UGT3A1: variants seen among roughly 807,000 people sequenced by gnomAD.
UGT3A1 encodes the protein UDP-glycosyltransferase 3A1.
In UGT3A1, 40 loss-of-function variants were observed where a neutral mutation model predicts 37.6. That is an observed-to-expected ratio of 1.06 (90% CI 0.83 to 1.38). The LOEUF (loss-of-function observed/expected upper bound fraction) is 1.38. Among genes scored for constraint, UGT3A1 ranks in the 40% most tolerant of loss-of-function variants. UGT3A1 has a pLI of 0.00. For synonymous variants in UGT3A1, 256 were observed against 232.3 expected, an observed-to-expected ratio of 1.10 and a Z score of -0.93; for missense variants, 642 against 634.2, an observed-to-expected ratio of 1.01 and a Z score of -0.13.
intron 2 of UGT3A1, among the ~76,000 whole-genome samples, chr5:35,971,561 C>A (rs138077163): frequency 0.011 from 1,718 of 151,878 alleles, 37 homozygotes; most frequent in African/African-American, 0.039. Flanking sequence ...GAAAATCTAC[C>A]AAAATTCACT....
chr5:35,996,246 C>T (rs917659075), upstream of UGT3A1, among the ~76,000 whole-genome samples: 3 of 152,076 alleles, frequency 2.0e-5, no homozygotes, highest in Non-Finnish European at 4.4e-5. Context: ...CTCAGGAAGA[C>T]TAGGGATGCT....
At chr5:35,974,668 T>C (rs1453848196) in intron 2 of UGT3A1, among the ~76,000 whole-genome samples, 1 of 152,222 alleles carries the variant, frequency 6.6e-6, no homozygotes, top group East Asian at 1.9e-4. Flanking sequence ...GTTTCATTGC[T>C]TGAGCAAATT....
chr5:35,954,334 C>A lies in UGT3A1; in HGVS notation c.1440G>T (p.Trp480Cys), dbSNP rs772502603. 1 of 1,614,180 alleles carries A rather than the reference C, an allele frequency of 6.2e-7. No individual in the cohort carries two copies. The highest frequency in any genetic ancestry group is 8.5e-7 in the Non-Finnish European group (1 of 1,180,036). Residue 480 changes from tryptophan to cysteine, a missense_variant, in exon 7 of 7, where the codon TGG (tryptophan) becomes TGT (cysteine). Transcript: ENST00000274278. Reference sequence around the variant, plus strand: ...AGACATCAATGAGGTACTGCTCATGCCAAGGCTGCTGGAAGGCATAGGGCT... The same window carrying A: ...AGACATCAATGAGGTACTGCTCATGACAAGGCTGCTGGAAGGCATAGGGCT... ...HLKPYAFQQP[W>C]HEQYLIDVFV...
chr5:35,989,487 G>C (rs1410512313), intron 1 of UGT3A1, among the ~76,000 whole-genome samples: 1 of 152,218 alleles, frequency 6.6e-6, no homozygotes, highest in Non-Finnish European at 1.5e-5. Context: ...GTGCGCAGCT[G>C]TCTGAATGAC....
chr5:35,969,810 G>T (rs946854400), intron 2 of UGT3A1, among the ~76,000 whole-genome samples: 4 of 152,122 alleles, frequency 2.6e-5, no homozygotes, highest in African/African-American at 9.7e-5. Context: ...TATTACCTCT[G>T]TACTCTTAAG....
chr5:35,959,283 CA>C (rs1739484521), intron 4 of UGT3A1, among the ~76,000 whole-genome samples: 1 of 152,096 alleles, frequency 6.6e-6, no homozygotes, highest in African/African-American at 2.4e-5. Context: ...AACAAAAGAT[CA>C]CAAGGCATAC....
chr5:35,990,353 T>G (rs1580966288), intron 1 of UGT3A1, among the ~76,000 whole-genome samples: 2 of 152,088 alleles, frequency 1.3e-5, no homozygotes, highest in East Asian at 3.9e-4. Context: ...AAAGGAATCC[T>G]TTAGCGCCCA....
chr5:35,975,265 G>A (rs565666912), intron 2 of UGT3A1, among the ~76,000 whole-genome samples: 1 of 152,322 alleles, frequency 6.6e-6, no homozygotes, highest in South Asian at 2.1e-4. Flanking sequence ...CCTGGATACT[G>A]CCACTGCAGA....
chr5:35,982,284 C>T, intron 2 of UGT3A1, among the ~76,000 whole-genome samples: 1 of 152,150 alleles, frequency 6.6e-6, no homozygotes, highest in East Asian at 1.9e-4. Context: ...TAGAACCATC[C>T]TCCTGGAAAA....
intron 4 of UGT3A1, among the ~76,000 whole-genome samples, chr5:35,957,881 T>C (rs1290653627): frequency 2.0e-5 from 3 of 152,174 alleles, no homozygotes; most frequent in Non-Finnish European, 4.4e-5. Flanking sequence ...TTCTATTAGG[T>C]CCAGTTGGTT....
intron 2 of UGT3A1, among the ~76,000 whole-genome samples, chr5:35,974,697 T>C (rs1246009582): frequency 6.6e-6 from 1 of 152,230 alleles, no homozygotes; most frequent in Non-Finnish European, 1.5e-5. Context: ...CCCTGATACC[T>C]GATATGCAAC....
chr5:35,991,413 C>T, upstream of UGT3A1: 2 of 1,453,362 alleles, frequency 1.4e-6, no homozygotes, highest in Admixed American at 2.7e-5. Flanking sequence ...TCCCGCTGCC[C>T]CTCCTCCCTG....
Position 35,979,045 on chromosome 5 carries a change from G to A in UGT3A1, c.196+9405C>T, listed in dbSNP as rs142505647. 2.8e-3 allele frequency among the ~76,000 whole-genome samples: 433 copies of A among 152,294 alleles called. 1 individual carries two copies. The highest frequency in any genetic ancestry group is 0.01 in the African/African-American group (423 of 41,566). On this transcript the variant is annotated intron_variant, in intron 2 of 6. Transcript: ENST00000274278. ...CCGTGCCTCACATCTGGGTCACACT[G>A]ATGCAAGAGGTAGGTTCTCATGGTC... is the stretch of plus-strand genomic sequence containing the variant.
chr5:35,987,779 C>G (rs553969855), intron 2 of UGT3A1, among the ~76,000 whole-genome samples: 2 of 152,252 alleles, frequency 1.3e-5, no homozygotes, highest in South Asian at 2.1e-4. Context: ...CCCAGATTCG[C>G]CCAACTCTGT....
intron 4 of UGT3A1, among the ~76,000 whole-genome samples, chr5:35,960,019 T>C (rs966530025): frequency 6.6e-6 from 1 of 152,140 alleles, no homozygotes; most frequent in African/African-American, 2.4e-5. Context: ...AACATGAACA[T>C]TTTGCTGAAA....
upstream of UGT3A1, among the ~76,000 whole-genome samples, chr5:35,995,486 T>C (rs148344379): frequency 2.0e-3 from 298 of 152,294 alleles, 1 homozygote; most frequent in African/African-American, 6.8e-3. Context: ...AAAGATCCAA[T>C]TGGTTTTGCC....
chr5:35,972,107 G>GT (rs1740066922), intron 2 of UGT3A1, among the ~76,000 whole-genome samples: 1 of 152,108 alleles, frequency 6.6e-6, no homozygotes, highest in South Asian at 2.1e-4. Context: ...GGCAGAGAAG[G>GT]AAGCCATAAA....
At chr5:35,986,363 G>A (rs1051439043) in intron 2 of UGT3A1, among the ~76,000 whole-genome samples, 1 of 151,992 alleles carries the variant, frequency 6.6e-6, no homozygotes, top group Non-Finnish European at 1.5e-5. Flanking sequence ...CGAAGAGATA[G>A]CTTCATTCCC....
chr5:35,991,017 T>A, intron 1 of UGT3A1, 130 bp downstream of exon 1: 4 of 1,596,900 alleles, frequency 2.5e-6, no homozygotes, highest in Non-Finnish European at 3.4e-6. Context: ...TTCTCCCTCC[T>A]CCAGCCAGGT....
Sources: gnomAD v4.1 joint callset for allele counts (sites outside exome capture counted in the v4.1 genomes callset) on GRCh38, gnomAD v4.1.1 for gene constraint, MANE v1.5 for transcripts, NCBI Gene and HGNC (gene_info 2026-07-23, HGNC 2026-07-21) for gene names.